Variants in GALNT15 observed in about 807,000 individuals in gnomAD.
GALNT15 encodes polypeptide N-acetylgalactosaminyltransferase 15, also known as UDP-GalNAc transferase T15.
GALNT15 carries 67 observed loss-of-function variants against 66.8 expected under a neutral mutation model. The observed-to-expected ratio is 1.00, with a 90% CI of 0.82 to 1.23. The LOEUF (loss-of-function observed/expected upper bound fraction) is 1.23. GALNT15 is among the 50% of genes most tolerant of loss of function. The probability of loss-of-function intolerance (pLI) is 0.00; values close to 1 mark genes in which losing one functional copy is unlikely to be tolerated. For synonymous variants in GALNT15, 313 were observed against 311.5 expected (o/e 1.00, Z -0.05); for missense variants, 827 against 804.3 (o/e 1.03, Z -0.34).
At chr3:16,210,041 A>G (rs2063796758) in intron 4 of GALNT15, among the ~76,000 whole-genome samples, 1 of 152,222 alleles carries the variant, frequency 6.6e-6, no homozygotes, top group South Asian at 2.1e-4. Context: ...AGTCCAAAAA[A>G]TTCTGCATTA....
At chr3:16,205,812 C>T (rs1033358184) in intron 3 of GALNT15, among the ~76,000 whole-genome samples, 1 of 152,328 alleles carries the variant, frequency 6.6e-6, no homozygotes, top group East Asian at 1.9e-4. Context: ...AAACACTCCT[C>T]ACTTCATTCA....
chr3:16,248,068 G>A, the GALNT15 span, among the ~76,000 whole-genome samples: 7 of 152,174 alleles, frequency 4.6e-5, no homozygotes, highest in South Asian at 8.3e-4. This position sits in a 1 kb window ranked among gnomAD's most constrained non-coding sequence, Gnocchi z 4.9. Flanking sequence ...GAGGGGCGGT[G>A]TTTCTCCTGC....
chr3:16,241,722 T>C, the GALNT15 span, among the ~76,000 whole-genome samples: 1 of 152,144 alleles, frequency 6.6e-6, no homozygotes, highest in African/African-American at 2.4e-5. The surrounding 1 kb of genome is among the most constrained non-coding windows in gnomAD (Gnocchi z 4.6). Flanking sequence ...CTAATGTTTG[T>C]ATTTTTGTAG....
In GALNT15 at chr3:16,225,868, A is replaced by C. The variant is rs550553641; in HGVS notation, c.1774-1486A>C. ...CCTGGCCAATATGGGTTTTTAGTAG[A>C]GAAAACCCATCTCTACTAAAAATAC... On this transcript the variant is annotated intron_variant, in intron 9 of 9. Transcript: ENST00000339732. The surrounding 1 kb of genome is among the most constrained non-coding windows in gnomAD (Gnocchi z 4.4). Among the ~76,000 whole-genome samples the C allele has an allele frequency of 6.6e-6, 1 of 151,882 alleles. No individual in the cohort carries two copies. The highest frequency in any genetic ancestry group is 2.4e-5 in the African/African-American group (1 of 41,444).
At chr3:16,216,323 C>T (rs558517567) in intron 6 of GALNT15, among the ~76,000 whole-genome samples, 1 of 152,164 alleles carries the variant, frequency 6.6e-6, no homozygotes, top group African/African-American at 2.4e-5. Flanking sequence ...CATGGTGAAA[C>T]CTTGTGTCTA....
Position 16,200,660 on chromosome 3 carries a change from G to C in GALNT15, c.748G>C (p.Glu250Gln). Residue 250 changes from glutamate (E) to glutamine (Q), a missense_variant, in exon 3 of 10, where the codon GAG becomes CAG. By Grantham distance (29) the Glu-to-Gln change is conservative. Coordinates refer to ENST00000339732, the MANE Select transcript of GALNT15 (RefSeq NM_054110.5). The surrounding 1 kb of genome is among the most constrained non-coding windows in gnomAD (Gnocchi z 4.4). ...TCTCAGCGAATATGTGGCCAGGCTG[G>C]AGGGGGTGAAGTTACTCAGGAGCAA... The part of the protein sequence containing the change: ...SALSEYVARL[E>Q]GVKLLRSNKR... 1 of 1,599,458 alleles carries C rather than the reference G, an allele frequency of 6.3e-7. No homozygotes were observed. Among genetic ancestry groups the C allele is most frequent in the Non-Finnish European group, 8.5e-7 (1 of 1,172,670 alleles).
chr3:16,220,306 T>C (rs894633047), intron 8 of GALNT15: 1 of 398,092 alleles, frequency 2.5e-6, no homozygotes, highest in African/African-American at 2.0e-5. Context: ...AACTGAGGCT[T>C]AGGGTCACTA....
chr3:16,200,521 C>G lies in GALNT15; in HGVS notation c.707-98C>G. On this transcript the variant is annotated intron_variant, in intron 2 of 9. Transcript: ENST00000339732. The surrounding 1 kb of genome is among the most constrained non-coding windows in gnomAD (Gnocchi z 4.4). ...CGGTTCTTAGGACCCAGGTGCTCAC[C>G]ACAGCTTCCAAAAGAGAGTTGCTGA... 1 of 992,074 alleles carries G rather than the reference C, an allele frequency of 1.0e-6. No homozygotes were observed. The highest frequency in any genetic ancestry group is 1.4e-6 in the Non-Finnish European group (1 of 703,296). The allele number at this position is 992,074 out of a possible 1,614,324, so 61.5% of individuals were successfully genotyped here.
At chr3:16,213,821 C>T (rs1358677666) in intron 6 of GALNT15, among the ~76,000 whole-genome samples, 2 of 152,168 alleles carry the variant, frequency 1.3e-5, no homozygotes, top group Non-Finnish European at 2.9e-5. Flanking sequence ...GACAGGGAAG[C>T]CCCATAGAGC....
chr3:16,214,392 A>G (rs2063850854), intron 6 of GALNT15, among the ~76,000 whole-genome samples: 1 of 152,244 alleles, frequency 6.6e-6, no homozygotes, highest in African/African-American at 2.4e-5. Context: ...TTACTTAAAC[A>G]CTCAGTGTTT....
intron 1 of GALNT15, among the ~76,000 whole-genome samples, chr3:16,190,637 CAAAAAAA>C (rs34205852): frequency 3.0e-5 from 3 of 98,634 alleles, no homozygotes; most frequent in East Asian, 6.4e-4. Flanking sequence ...GACTCCGTAT[CAAAAAAA>C]AAAAAAAAAA....
intron 2 of GALNT15, among the ~76,000 whole-genome samples, chr3:16,196,201 G>A (rs916836919): frequency 4.6e-5 from 7 of 152,080 alleles, no homozygotes; most frequent in South Asian, 2.1e-4. Context: ...GCCTGATCCC[G>A]TGGGGATCTC....
rs2063682908 is a variant in GALNT15 at position 16,200,114 on chromosome 3, A to AG, written c.707-505_707-504insG. On this transcript the variant is annotated intron_variant, in intron 2 of 9. Coordinates refer to ENST00000339732, the MANE Select transcript of GALNT15 (RefSeq NM_054110.5). This position sits in a 1 kb window ranked among gnomAD's most constrained non-coding sequence, Gnocchi z 4.4. ...TGTCTTACATGGCAGCAAGTGAGAG[A>AG]AAGAGAGAGAGAGAGGAGGAAAAAC... 1.4e-5 allele frequency among the ~76,000 whole-genome samples: 2 copies of AG among 145,536 alleles called. No homozygotes were observed. The highest frequency in any genetic ancestry group is 7.0e-5 in the Admixed American group (1 of 14,336).
intron 8 of GALNT15, 90 bp from the exon 9 acceptor site, chr3:16,222,525 T>C: frequency 6.7e-7 from 1 of 1,502,030 alleles, no homozygotes; most frequent in Non-Finnish European, 9.2e-7. Flanking sequence ...CCCCTAGACC[T>C]CAGCTCTATA....
At position 16,211,127 on chromosome 3, in the gene GALNT15, C is replaced by T. The variant is rs1378727448; in HGVS notation, c.1083C>T (p.Ser361=). The change falls in exon 5 of 10, where the codon AGC becomes AGT. Residue 361 remains serine, a synonymous_variant. Coordinates refer to ENST00000339732, the MANE Select transcript of GALNT15 (RefSeq NM_054110.5). The surrounding 1 kb of genome is among the most constrained non-coding windows in gnomAD (Gnocchi z 4.3). The part of the protein sequence containing the change: ...ALQSPISPIR[S]PVVPGEVVAM... Reference sequence around the variant, plus strand: ...CCTGCCTGTCTTCTGTGTCCAGGAGCCCTGTGGTGCCCGGAGAGGTGGTGG... The same window carrying T: ...CCTGCCTGTCTTCTGTGTCCAGGAGTCCTGTGGTGCCCGGAGAGGTGGTGG... 1.9e-6 allele frequency: 3 copies of T among 1,610,214 alleles called. No individual in the cohort carries two copies. The Admixed American group carries it at 5.0e-5, about 27-fold the overall frequency.
intron 2 of GALNT15, among the ~76,000 whole-genome samples, chr3:16,196,894 A>G (rs1483452036): frequency 6.6e-6 from 1 of 152,158 alleles, no homozygotes; most frequent in Non-Finnish European, 1.5e-5. Flanking sequence ...GGAATAATGG[A>G]GAAGGGCTAG....
chr3:16,216,140 C>G (rs781243172), intron 6 of GALNT15, among the ~76,000 whole-genome samples: 13 of 152,186 alleles, frequency 8.5e-5, no homozygotes, highest in Non-Finnish European at 1.9e-4. Flanking sequence ...ACCTTTGGCT[C>G]TTGTTATCAG....
At position 16,200,775 on chromosome 3, in the gene GALNT15, G is replaced by A. The variant is rs1298327728; in HGVS notation, c.863G>A (p.Cys288Tyr). Residue 288 changes from cysteine (C) to tyrosine (Y), a missense_variant, in exon 3 of 10, where the codon TGC (cysteine) becomes TAC (tyrosine). Cys to Tyr is a radical substitution (Grantham distance 194). Transcript: ENST00000339732. This position sits in a 1 kb window ranked among gnomAD's most constrained non-coding sequence, Gnocchi z 4.4. ...GTCTTCATGGATGCCCACTGCGAGTGCCACCCAGGCTGGCTGGAGCCCCTC... is the reference window on the plus strand; with the variant it reads ...GTCTTCATGGATGCCCACTGCGAGTACCACCCAGGCTGGCTGGAGCCCCTC... ...VLVFMDAHCE[C>Y]HPGWLEPLLS... The A allele has an allele frequency of 3.1e-6, 5 of 1,611,470 alleles. No homozygotes were observed. In the African/African-American group the frequency reaches 5.3e-5, roughly 17 times the overall value.
intron 6 of GALNT15, among the ~76,000 whole-genome samples, chr3:16,216,029 C>T (rs1233268018): frequency 2.0e-5 from 3 of 152,080 alleles, no homozygotes; most frequent in African/African-American, 7.2e-5. Context: ...TTTAAATCTC[C>T]AATGCCTGGT....
Sources: gnomAD v4.1 joint callset for allele counts (sites outside exome capture counted in the v4.1 genomes callset) on GRCh38, gnomAD v4.1.1 for gene constraint, Gnocchi (gnomAD v3.1) non-coding constraint, MANE v1.5 for transcripts, NCBI Gene and HGNC (gene_info 2026-07-23, HGNC 2026-07-21) for gene names.